The following EPS15L1 variants were observed in gnomAD, a reference collection of about 807,000 sequenced individuals.
The protein encoded by EPS15L1 is epidermal growth factor receptor substrate 15-like 1.
A neutral mutation model predicts 117.1 loss-of-function variants in EPS15L1; 43 were observed. The observed-to-expected ratio is 0.37, with a 90% CI of 0.29 to 0.47. EPS15L1 has a LOEUF of 0.47. Ranked by LOEUF, EPS15L1 falls within the 20% of genes least tolerant of loss-of-function variation. EPS15L1 has a pLI of 0.99. For synonymous variants in EPS15L1, 459 were observed against 470.5 expected (o/e 0.98, Z 0.32); for missense variants, 981 against 1,164.0 (o/e 0.84, Z 2.29).
intron 21 of EPS15L1, among the ~76,000 whole-genome samples, chr19:16,380,689 T>G (rs1438258419): frequency 6.6e-6 from 1 of 152,200 alleles, no homozygotes; most frequent in South Asian, 2.1e-4. Flanking sequence ...GTCACACCGA[T>G]GCGGTCGTCT....
At chr19:16,413,464 A>C in intron 13 of EPS15L1, 1 of 743,846 alleles carries the variant, frequency 1.3e-6, no homozygotes, top group Non-Finnish European at 2.3e-6. Flanking sequence ...AACCTCTGGA[A>C]GGAGACTGTA....
At chr19:16,425,449 T>C (rs1319933698) in intron 8 of EPS15L1, 133 bp from the exon 9 acceptor site, 2 of 658,532 alleles carry the variant, frequency 3.0e-6, no homozygotes, top group Non-Finnish European at 5.5e-6. Flanking sequence ...CTGACCAGAG[T>C]GAAAAGAAAT....
intron 1 of EPS15L1, among the ~76,000 whole-genome samples, chr19:16,448,956 C>T (rs922071230): frequency 4.6e-5 from 7 of 152,044 alleles, no homozygotes; most frequent in South Asian, 2.1e-4. Context: ...AATTCAACAG[C>T]ATAAAAAAGA....
chr19:16,433,805 A>T (rs2092952357), intron 7 of EPS15L1, among the ~76,000 whole-genome samples: 1 of 151,992 alleles, frequency 6.6e-6, no homozygotes, highest in African/African-American at 2.4e-5. Flanking sequence ...TCTACTATAA[A>T]TACAAAAATT....
chr19:16,465,276 C>T (rs973669013), intron 1 of EPS15L1, among the ~76,000 whole-genome samples: 1 of 152,162 alleles, frequency 6.6e-6, no homozygotes, highest in Admixed American at 6.6e-5. Flanking sequence ...GCCCCTCCTG[C>T]AGCTTGGACC....
At chr19:16,378,252 A>G (rs948570892) in intron 21 of EPS15L1, among the ~76,000 whole-genome samples, 2 of 151,996 alleles carry the variant, frequency 1.3e-5, no homozygotes, top group African/African-American at 4.8e-5. Context: ...GCTCTCATTA[A>G]GGCATGCAGG....
chr19:16,376,164 G>A (rs747098421), intron 22 of EPS15L1, among the ~76,000 whole-genome samples: 12 of 152,208 alleles, frequency 7.9e-5, no homozygotes, highest in Non-Finnish European at 1.6e-4. Flanking sequence ...TCCTGGGAGT[G>A]CGTGGGTCTC....
chr19:16,401,863 T>TA (rs1291788522), intron 16 of EPS15L1: 1 of 988,022 alleles, frequency 1.0e-6, no homozygotes, highest in Non-Finnish European at 1.2e-6. Context: ...TTCCTCATCT[T>TA]TAGCAACACA....
At chr19:16,410,899 TGA>T (rs1213192680) in intron 13 of EPS15L1, among the ~76,000 whole-genome samples, 1 of 152,080 alleles carries the variant, frequency 6.6e-6, no homozygotes, top group African/African-American at 2.4e-5. Flanking sequence ...GGCAATGGAG[TGA>T]GACACTGCCT....
chr19:16,454,783 A>G (rs940959258), intron 1 of EPS15L1, among the ~76,000 whole-genome samples: 1 of 152,202 alleles, frequency 6.6e-6, no homozygotes, highest in African/African-American at 2.4e-5. Context: ...GAAGGTCGTC[A>G]GAACACAGAA....
At position 16,393,039 on chromosome 19, in the gene EPS15L1, C is replaced by T. The variant is rs1214111427; in HGVS notation, c.1967-599G>A. Among the ~76,000 whole-genome samples the T allele has an allele frequency of 6.6e-5, 10 of 150,894 alleles. No homozygotes were observed. In the South Asian group the frequency reaches 1.9e-3, roughly 28 times the overall value. ...CCTAGGCAATAGAGTAAAACCCCAT[C>T]TCTAAATAAATAAATAAAATATCCT... On this transcript the variant is annotated intron_variant, in intron 18 of 23. Coordinates refer to ENST00000455140, the MANE Select transcript of EPS15L1 (RefSeq NM_001258374.3).
At chr19:16,408,006 T>C (rs946050532) in intron 13 of EPS15L1, among the ~76,000 whole-genome samples, 4 of 152,086 alleles carry the variant, frequency 2.6e-5, no homozygotes, top group African/African-American at 9.7e-5. Context: ...ACAGAGTTAG[T>C]TGTGGGAGCT....
chr19:16,377,054 G>A, intron 22 of EPS15L1, 68 bp downstream of exon 22: 3 of 1,523,176 alleles, frequency 2.0e-6, no homozygotes, highest in Middle Eastern at 2.2e-4. Flanking sequence ...CTGGTGAGCA[G>A]GGAGGCCCTG....
chr19:16,451,722 G>T (rs1319789354), intron 1 of EPS15L1, among the ~76,000 whole-genome samples: 2 of 151,134 alleles, frequency 1.3e-5, no homozygotes, highest in Admixed American at 1.3e-4. Flanking sequence ...GTAGAGACAG[G>T]GTTTCACCAT....
intron 1 of EPS15L1, among the ~76,000 whole-genome samples, chr19:16,444,208 C>T (rs932467285): frequency 5.5e-5 from 8 of 145,650 alleles, no homozygotes; most frequent in Non-Finnish European, 9.0e-5. Context: ...GGGGGAAACA[C>T]TGAAAAGGCA....
At chr19:16,416,481 T>C (rs1161856887) in intron 12 of EPS15L1, among the ~76,000 whole-genome samples, 1 of 151,532 alleles carries the variant, frequency 6.6e-6, no homozygotes, top group African/African-American at 2.4e-5. Context: ...ACAAAAAATA[T>C]AAAAAAATTA....
At chr19:16,378,047 G>A (rs577741913) in intron 21 of EPS15L1, among the ~76,000 whole-genome samples, 4 of 152,156 alleles carry the variant, frequency 2.6e-5, no homozygotes, top group Non-Finnish European at 1.5e-5. Flanking sequence ...GTGGGCAGAT[G>A]GATGGAATGG....
chr19:16,450,303 G>C (rs1271258725), intron 1 of EPS15L1, among the ~76,000 whole-genome samples: 2 of 151,644 alleles, frequency 1.3e-5, no homozygotes. Flanking sequence ...CCCAGTCCAT[G>C]TCATTCACCT....
chr19:16,355,920 G>A, intron 23 of EPS15L1, 69 bp from the exon 24 acceptor site: 1 of 1,502,256 alleles, frequency 6.7e-7, no homozygotes, highest in Non-Finnish European at 8.9e-7. Flanking sequence ...GAGGGAGGCA[G>A]GGAATGCGTG....
Sources: allele counts gnomAD v4.1 joint callset (sites outside exome capture counted in the v4.1 genomes callset), GRCh38; gene constraint gnomAD v4.1.1; transcripts MANE v1.5; gene names NCBI Gene and HGNC (gene_info 2026-07-23, HGNC 2026-07-21).